Variants in EXOC4 observed in about 807,000 individuals in gnomAD.
The protein encoded by EXOC4 is SEC8-like 1.
EXOC4 carries 71 observed loss-of-function variants against 107.2 expected under a neutral mutation model. The observed-to-expected ratio is 0.66, with a 90% confidence interval of 0.55 to 0.81. The LOEUF is 0.81. Among genes scored for constraint, EXOC4 ranks in the 30% least tolerant of loss-of-function variants. The pLI is 0.00. For synonymous variants in EXOC4, 456 were observed against 441.2 expected (o/e 1.03, Z -0.42); for missense variants, 1,108 against 1,189.6 (o/e 0.93, Z 1.01).
intron 14 of EXOC4, among the ~76,000 whole-genome samples, chr7:133,983,811 A>G (rs1023368513): frequency 6.6e-6 from 1 of 152,200 alleles, no homozygotes; most frequent in African/African-American, 2.4e-5. Context: ...ACAAAAGTCC[A>G]TGGAAATCTA....
chr7:133,749,401 C>CT lies in EXOC4; in HGVS notation c.1515-67915dup, dbSNP rs908002830. 2.7e-4 allele frequency among the ~76,000 whole-genome samples: 41 copies of CT among 151,132 alleles called. No homozygotes were observed. The South Asian group carries it at 4.0e-3, about 15-fold the overall frequency. ...AAAATGTGACTTAATTGTTTTGAGT[C>CT]TTTTTTTTTGAGCCAGAGTCTCACT... On this transcript the variant is annotated intron_variant, in intron 10 of 17. Transcript: ENST00000253861.
At chr7:133,987,838 C>T (rs1244247876) in intron 14 of EXOC4, among the ~76,000 whole-genome samples, 1 of 152,166 alleles carries the variant, frequency 6.6e-6, no homozygotes, top group Non-Finnish European at 1.5e-5. Flanking sequence ...AGGACATCCT[C>T]ATATGAATCA....
intron 7 of EXOC4, among the ~76,000 whole-genome samples, chr7:133,417,614 G>A (rs1797508428): frequency 6.6e-6 from 1 of 152,020 alleles, no homozygotes; most frequent in Admixed American, 6.6e-5. Flanking sequence ...AGACAATTGG[G>A]GAACATCTAT....
At chr7:133,896,442 T>C (rs542270545) in intron 12 of EXOC4, among the ~76,000 whole-genome samples, 2 of 152,178 alleles carry the variant, frequency 1.3e-5, no homozygotes, top group South Asian at 4.2e-4. Flanking sequence ...GATAGATAGG[T>C]AAAGTGCAGT....
chr7:133,823,396 G>A (rs749161938), intron 11 of EXOC4, among the ~76,000 whole-genome samples: 27 of 152,110 alleles, frequency 1.8e-4, no homozygotes, highest in Non-Finnish European at 3.2e-4. Flanking sequence ...GGTGGGGCGT[G>A]CTTGGGCATC....
chr7:134,021,731 A>C (rs1585328369), intron 17 of EXOC4, among the ~76,000 whole-genome samples: 1 of 151,278 alleles, frequency 6.6e-6, no homozygotes, highest in African/African-American at 2.4e-5. Flanking sequence ...AGAAAAAAAA[A>C]AAAAAAAAAA....
At chr7:134,041,881 A>G (rs998448128) in intron 17 of EXOC4, among the ~76,000 whole-genome samples, 1 of 152,224 alleles carries the variant, frequency 6.6e-6, no homozygotes, top group Non-Finnish European at 1.5e-5. Flanking sequence ...GTGCAGTCCA[A>G]CAACAGTTAC....
At chr7:133,987,682 C>T in intron 14 of EXOC4, among the ~76,000 whole-genome samples, 1 of 152,112 alleles carries the variant, frequency 6.6e-6, no homozygotes, top group Non-Finnish European at 1.5e-5. Context: ...CTTTTTCTAT[C>T]TTCTAGAAAG....
At chr7:133,556,186 A>G (rs909994310) in intron 9 of EXOC4, among the ~76,000 whole-genome samples, 1 of 152,132 alleles carries the variant, frequency 6.6e-6, no homozygotes, top group Non-Finnish European at 1.5e-5. Flanking sequence ...TAAAATATTC[A>G]TGTTCAAATA....
intron 5 of EXOC4, among the ~76,000 whole-genome samples, chr7:133,319,087 T>G (rs942267091): frequency 1.3e-5 from 2 of 152,242 alleles, no homozygotes; most frequent in African/African-American, 4.8e-5. Flanking sequence ...TTTTTTGTAA[T>G]GTGAATCATT....
chr7:133,834,588 A>G (rs1797878636), intron 11 of EXOC4, among the ~76,000 whole-genome samples: 2 of 152,218 alleles, frequency 1.3e-5, no homozygotes, highest in Non-Finnish European at 2.9e-5. Flanking sequence ...TCCAGTGTTC[A>G]ATTTCGTTAG....
chr7:133,578,985 T>C (rs1180603548), intron 9 of EXOC4, among the ~76,000 whole-genome samples: 2 of 152,190 alleles, frequency 1.3e-5, no homozygotes, highest in African/African-American at 4.8e-5. Context: ...TGAAAAACTC[T>C]AGAATTACAT....
chr7:133,672,012 A>G (rs1585068800), intron 10 of EXOC4, among the ~76,000 whole-genome samples: 1 of 152,182 alleles, frequency 6.6e-6, no homozygotes, highest in African/African-American at 2.4e-5. Flanking sequence ...GTCCAAAAGA[A>G]CTTTCTACCA....
chr7:133,869,735 C>T (rs1384088193), intron 11 of EXOC4, among the ~76,000 whole-genome samples: 2 of 152,158 alleles, frequency 1.3e-5, no homozygotes, highest in African/African-American at 4.8e-5. Flanking sequence ...ACTTAAGGGG[C>T]ACGAGGGAAC....
intron 7 of EXOC4, among the ~76,000 whole-genome samples, chr7:133,439,116 C>T (rs563473917): frequency 6.7e-6 from 1 of 149,180 alleles, no homozygotes; most frequent in Non-Finnish European, 1.5e-5. Context: ...ATTTGAACCT[C>T]GGTTTTGGTT....
intron 9 of EXOC4, among the ~76,000 whole-genome samples, chr7:133,598,417 G>A (rs935882222): frequency 2.6e-5 from 4 of 152,184 alleles, no homozygotes; most frequent in African/African-American, 7.2e-5. Flanking sequence ...AGAACTTATT[G>A]TATGTGGCTG....
At chr7:133,762,977 T>G (rs1796063879) in intron 10 of EXOC4, among the ~76,000 whole-genome samples, 1 of 152,172 alleles carries the variant, frequency 6.6e-6, no homozygotes, top group Admixed American at 6.6e-5. Context: ...TTTACAAGTG[T>G]TGTATACCGA....
intron 14 of EXOC4, among the ~76,000 whole-genome samples, chr7:133,941,649 C>T (rs1435586252): frequency 2.0e-5 from 3 of 152,152 alleles, no homozygotes; most frequent in Non-Finnish European, 2.9e-5. Flanking sequence ...GGTATTCTCC[C>T]CTCAGTCTTT....
chr7:133,656,717 A>G (rs765015680), intron 10 of EXOC4, among the ~76,000 whole-genome samples: 1 of 152,216 alleles, frequency 6.6e-6, no homozygotes, highest in South Asian at 2.1e-4. Flanking sequence ...AGTTATTTGT[A>G]CTAAATGAAT....
Sources: gnomAD v4.1 joint callset for allele counts (sites outside exome capture counted in the v4.1 genomes callset) on GRCh38, gnomAD v4.1.1 for gene constraint, MANE v1.5 for transcripts, NCBI Gene and HGNC (gene_info 2026-07-23, HGNC 2026-07-21) for gene names.